Variants in DNER observed in about 807,000 individuals in gnomAD.
DNER encodes delta/notch like EGF repeat containing.
Under a neutral mutation model 78.2 loss-of-function variants are expected in DNER, and 33 were observed. The ratio of observed to expected loss-of-function variants is 0.42; its 90% CI spans 0.32 to 0.56. The LOEUF is 0.56. Among genes scored for constraint, DNER ranks in the 20% least tolerant of loss-of-function variants. DNER has a pLI of 0.11. For missense variants in DNER, 918 were observed against 975.3 expected (o/e 0.94, Z 0.78); for synonymous variants, 417 against 384.8 (o/e 1.08, Z -0.98).
intron 1 of DNER, among the ~76,000 whole-genome samples, chr2:229,711,701 G>A (rs1699915712): frequency 6.6e-6 from 1 of 152,194 alleles, no homozygotes; most frequent in Non-Finnish European, 1.5e-5. Context: ...TCTGTTAAAA[G>A]ATCCTCTTTA....
chr2:229,396,601 A>G lies in DNER; in HGVS notation c.1724-8205T>C, dbSNP rs144481846. Among the ~76,000 whole-genome samples the G allele has an allele frequency of 2.2e-3, 341 of 152,336 alleles. 2 individuals carry two copies. The highest frequency in any genetic ancestry group is 7.8e-3 in the African/African-American group (324 of 41,576). On this transcript the variant is annotated intron_variant, in intron 10 of 12. Coordinates refer to ENST00000341772, the MANE Select transcript of DNER (RefSeq NM_139072.4). Reference sequence around the variant, plus strand: ...CAGTTGCTAAAGGTAAAAGTTACCAATGGAACTTAGGAATTTAACTCTGGG... The same window carrying G: ...CAGTTGCTAAAGGTAAAAGTTACCAGTGGAACTTAGGAATTTAACTCTGGG...
At chr2:229,419,922 C>T (rs555049084) in intron 8 of DNER, among the ~76,000 whole-genome samples, 1 of 147,688 alleles carries the variant, frequency 6.8e-6, no homozygotes, top group African/African-American at 2.5e-5. Context: ...CTGCTGGCAT[C>T]TAGTAGGCAG....
chr2:229,714,085 C>T, intron 1 of DNER, 63 bp downstream of exon 1: 1 of 1,238,066 alleles, frequency 8.1e-7, no homozygotes, highest in Non-Finnish European at 1.0e-6. Context: ...GCAGCAGGGC[C>T]GGCGGGAAGA....
intron 1 of DNER, among the ~76,000 whole-genome samples, chr2:229,711,025 T>C (rs529223856): frequency 2.5e-5 from 3 of 121,124 alleles, no homozygotes; most frequent in East Asian, 4.9e-4. Flanking sequence ...ACACACAGGA[T>C]ACAAAAAGGT....
intron 7 of DNER, among the ~76,000 whole-genome samples, chr2:229,468,263 C>CT (rs1694847059): frequency 6.6e-6 from 1 of 152,202 alleles, no homozygotes; most frequent in South Asian, 2.1e-4. Flanking sequence ...CCTTTCTTGC[C>CT]TAGGGAACCA....
At chr2:229,713,782 G>C (rs745971124) in intron 1 of DNER, among the ~76,000 whole-genome samples, 19 of 152,228 alleles carry the variant, frequency 1.2e-4, no homozygotes, top group Non-Finnish European at 2.4e-4. Flanking sequence ...GACGCTCGGA[G>C]CCGGCTCCTC....
At chr2:229,436,207 T>G (rs776696541) in intron 8 of DNER, among the ~76,000 whole-genome samples, 2 of 152,170 alleles carry the variant, frequency 1.3e-5, no homozygotes, top group Non-Finnish European at 2.9e-5. Flanking sequence ...AATATTTGGT[T>G]TTCTGTTTCT....
At chr2:229,404,472 C>A (rs1693338753) in intron 10 of DNER, among the ~76,000 whole-genome samples, 1 of 152,186 alleles carries the variant, frequency 6.6e-6, no homozygotes, top group African/African-American at 2.4e-5. Context: ...CCCCCACGAT[C>A]CAATTACCTC....
chr2:229,708,661 T>G (rs1699864957), intron 1 of DNER, among the ~76,000 whole-genome samples: 1 of 152,226 alleles, frequency 6.6e-6, no homozygotes. Flanking sequence ...GTTTTCTTTC[T>G]TGTTTGATGC....
intron 1 of DNER, among the ~76,000 whole-genome samples, chr2:229,683,185 T>C (rs775862738): frequency 1.3e-5 from 2 of 152,242 alleles, no homozygotes; most frequent in East Asian, 1.9e-4. Context: ...ACATAACTTA[T>C]GTAAGTCTCA....
chr2:229,531,758 C>T (rs1043958702), intron 5 of DNER, among the ~76,000 whole-genome samples: 8 of 152,104 alleles, frequency 5.3e-5, no homozygotes, highest in Non-Finnish European at 1.0e-4. Context: ...AGAAACAACC[C>T]AAATGTCTAT....
chr2:229,673,822 A>G (rs1699251500), intron 1 of DNER, among the ~76,000 whole-genome samples: 3 of 152,282 alleles, frequency 2.0e-5, no homozygotes, highest in South Asian at 4.1e-4. Flanking sequence ...TCCCTTCCCC[A>G]TGGCTCTTTG....
At chr2:229,576,099 T>C (rs1231796368) in intron 4 of DNER, among the ~76,000 whole-genome samples, 1 of 152,144 alleles carries the variant, frequency 6.6e-6, no homozygotes, top group Non-Finnish European at 1.5e-5. Flanking sequence ...ACCCCCACCA[T>C]TGCAGTGAGT....
chr2:229,370,998 A>G (rs911226354), intron 11 of DNER, among the ~76,000 whole-genome samples: 1 of 152,204 alleles, frequency 6.6e-6, no homozygotes, highest in Non-Finnish European at 1.5e-5. Flanking sequence ...ATTTATGACC[A>G]TCTGCTCCGT....
chr2:229,401,829 A>C (rs1443233116), intron 10 of DNER, among the ~76,000 whole-genome samples: 1 of 152,164 alleles, frequency 6.6e-6, no homozygotes, highest in African/African-American at 2.4e-5. Context: ...TCAAACTAAA[A>C]TTTTGAAAAA....
chr2:229,564,786 T>C (rs528476252), intron 4 of DNER, among the ~76,000 whole-genome samples: 54 of 152,120 alleles, frequency 3.5e-4, no homozygotes, highest in South Asian at 2.7e-3. Flanking sequence ...TAAAATGGAG[T>C]CCTGGCTTAT....
chr2:229,430,707 T>TATATA (rs1559349744), intron 8 of DNER, among the ~76,000 whole-genome samples: 2 of 148,830 alleles, frequency 1.3e-5, no homozygotes, highest in Non-Finnish European at 1.5e-5. Context: ...TATATATATA[T>TATATA]TCCATTAATT....
chr2:229,516,800 A>AG (rs1429832663), intron 5 of DNER, among the ~76,000 whole-genome samples: 8 of 131,256 alleles, frequency 6.1e-5, no homozygotes, highest in Admixed American at 1.5e-4. Context: ...AAAAAAAAAA[A>AG]AAAAGAAAAG....
intron 1 of DNER, among the ~76,000 whole-genome samples, chr2:229,678,717 A>G (rs1166710434): frequency 6.6e-6 from 1 of 152,238 alleles, no homozygotes; most frequent in Non-Finnish European, 1.5e-5. Context: ...TCTGGATTTT[A>G]GAGCCTTAGA....
Sources: allele counts gnomAD v4.1 joint callset (sites outside exome capture counted in the v4.1 genomes callset), GRCh38; gene constraint gnomAD v4.1.1; transcripts MANE v1.5; gene names NCBI Gene and HGNC (gene_info 2026-07-23, HGNC 2026-07-21).